The following KCNQ1 variants were observed in gnomAD, a reference collection of about 807,000 sequenced individuals.
KCNQ1 encodes the protein potassium voltage-gated channel subfamily KQT member 1.
KCNQ1 carries 49 observed loss-of-function variants against 72.4 expected under a neutral mutation model. The observed-to-expected ratio is 0.68, with a 90% confidence interval of 0.54 to 0.86. KCNQ1 has a LOEUF of 0.86. Ranked by LOEUF, KCNQ1 falls within the 40% of genes least tolerant of loss-of-function variation. The pLI is 0.00. For missense variants in KCNQ1, 790 were observed against 945.1 expected, an observed-to-expected ratio of 0.84 and a Z score of 2.15; for synonymous variants, 450 against 412.6, an observed-to-expected ratio of 1.09 and a Z score of -1.10.
At chr11:2,778,719 T>A (rs1236226369) in intron 15 of KCNQ1, among the ~76,000 whole-genome samples, 1 of 152,232 alleles carries the variant, frequency 6.6e-6, no homozygotes, top group African/African-American at 2.4e-5. Flanking sequence ...GCTGTTATCT[T>A]GCCGAACAGC....
At chr11:2,747,110 G>A (rs1405703379) in intron 11 of KCNQ1, among the ~76,000 whole-genome samples, 2 of 152,208 alleles carry the variant, frequency 1.3e-5, no homozygotes, top group East Asian at 3.8e-4. Flanking sequence ...GCCCAGCCTG[G>A]CCCATGGTGG....
Position 2,663,886 on chromosome 11 carries a change from C to A in KCNQ1, c.1514+1805C>A, listed in dbSNP as rs1590016586. The A allele has an allele frequency of 2.5e-6, 1 of 398,704 alleles. No homozygotes were observed. The allele number at this position is 398,704 out of a possible 1,614,324, so 24.7% of individuals were successfully genotyped here. On this transcript the variant is annotated intron_variant, in intron 11 of 15. Transcript: ENST00000155840. The surrounding 1 kb of genome is among the most constrained non-coding windows in gnomAD (Gnocchi z 5.2). ...TTACCCACCTGCCCAAGGGTGACCC[C>A]AAGCCAGTGTGGCTGTGTCATCTAG...
At chr11:2,622,444 C>T in intron 10 of KCNQ1, 1 of 398,116 alleles carries the variant, frequency 2.5e-6, no homozygotes, top group Non-Finnish European at 4.4e-6. Flanking sequence ...GTCTTTAGAC[C>T]AAAAGTGAGT....
intron 10 of KCNQ1, chr11:2,619,669 G>A (rs1017069118): frequency 2.5e-6 from 1 of 396,812 alleles, no homozygotes; most frequent in Non-Finnish European, 4.4e-6. Flanking sequence ...TCAAGGTGAT[G>A]CTGGCCTCAT....
At position 2,847,850 on chromosome 11, in the gene KCNQ1, C is replaced by G; in HGVS notation, c.1878C>G (p.Gly626=). 6.4e-7 allele frequency: 1 copy of G among 1,572,064 alleles called. No individual in the cohort carries two copies. Among genetic ancestry groups the G allele is most frequent in the African/African-American group, 1.3e-5 (1 of 74,188 alleles). Residue 626 remains glycine (G), a synonymous_variant, in exon 16 of 16, where the codon GGC becomes GGG. Coordinates refer to ENST00000155840, the MANE Select transcript of KCNQ1 (RefSeq NM_000218.3). ...LLSLHGGSTP[G]SGGPPREGGA... ...CCTTGCACGGTGGCAGCACCCCCGG[C>G]AGCGGCGGCCCCCCCAGAGAGGGCG...
In KCNQ1 at chr11:2,556,909, G is replaced by T. The variant is rs376701923; in HGVS notation, c.478-13719G>T. 2.0e-5 allele frequency among the ~76,000 whole-genome samples: 3 copies of T among 152,218 alleles called. No individual in the cohort carries two copies. In the South Asian group the frequency reaches 6.2e-4, roughly 32 times the overall value. On this transcript the variant is annotated intron_variant, in intron 2 of 15. Transcript: ENST00000155840. ...ACTAAACAACCAAAAGCAAAAGGGA[G>T]AAGTCAACAGAGTCAAATAGCAAAT... is the stretch of plus-strand genomic sequence containing the variant.
rs192015488 is a variant in KCNQ1 at position 2,478,459 on chromosome 11, G to A, written c.386+32975G>A. Among the ~76,000 whole-genome samples the A allele has an allele frequency of 2.2e-3, 333 of 152,154 alleles. 1 individual carries two copies. The highest frequency in any genetic ancestry group is 7.9e-3 in the African/African-American group (327 of 41,504). ...ACAATCACAGCAGAAGATGAAGGAA[G>A]AACAAAGGAACATCTTACATGATGA... On this transcript the variant is annotated intron_variant, in intron 1 of 15. Transcript: ENST00000155840. The surrounding 1 kb of genome is among the most constrained non-coding windows in gnomAD (Gnocchi z 4.0).
In KCNQ1 at chr11:2,813,421, G is replaced by T. The variant is rs560222802; in HGVS notation, c.1795-34346G>T. Among the ~76,000 whole-genome samples, 28 of 149,246 alleles carry T rather than the reference G, an allele frequency of 1.9e-4. No homozygotes were observed. In the East Asian group the frequency reaches 5.0e-3, roughly 27 times the overall value. ...TTTTCACCCCCAAACCCGCCTGCCC[G>T]TCAGTGCTTAGAGCAAATGCCCCTC... is the stretch of plus-strand genomic sequence containing the variant. On this transcript the variant is annotated intron_variant, in intron 15 of 15. Transcript: ENST00000155840. This position sits in a 1 kb window ranked among gnomAD's most constrained non-coding sequence, Gnocchi z 4.4.
chr11:2,544,129 A>T lies in KCNQ1; in HGVS notation c.477+16111A>T, dbSNP rs1430394524. The stretch of plus-strand genomic sequence containing the variant: ...ACCAATTTTTGCAAAGCCTGGTAGA[A>T]TTTTGTTTGGGATTGCATTCAACCT... On this transcript the variant is annotated intron_variant, in intron 2 of 15. Transcript: ENST00000155840. This position sits in a 1 kb window ranked among gnomAD's most constrained non-coding sequence, Gnocchi z 4.4. Among the ~76,000 whole-genome samples, 1 of 152,042 alleles carries T rather than the reference A, an allele frequency of 6.6e-6. No individual in the cohort carries two copies. The highest frequency in any genetic ancestry group is 1.9e-4 in the East Asian group (1 of 5,188).
chr11:2,767,844 G>A lies in KCNQ1; in HGVS notation c.1515-1000G>A, dbSNP rs921626782. Reference sequence around the variant, plus strand: ...CACAAGTGTTTCCAGAGGAAGTTGTGTGAAAGGTGGCTAGAGGACCAGAAT... The same window carrying A: ...CACAAGTGTTTCCAGAGGAAGTTGTATGAAAGGTGGCTAGAGGACCAGAAT... On this transcript the variant is annotated intron_variant, in intron 11 of 15. Coordinates refer to ENST00000155840, the MANE Select transcript of KCNQ1 (RefSeq NM_000218.3). This position sits in a 1 kb window ranked among gnomAD's most constrained non-coding sequence, Gnocchi z 4.6. Among the ~76,000 whole-genome samples the A allele has an allele frequency of 6.6e-6, 1 of 152,246 alleles. No homozygotes were observed. The highest frequency in any genetic ancestry group is 6.5e-5 in the Admixed American group (1 of 15,288).
Position 2,549,541 on chromosome 11 carries a change from G to A in KCNQ1, c.478-21087G>A, listed in dbSNP as rs374382009. ...GGAGTGGAGTGTCACCGGGTGTCCC[G>A]GCGTGGGCAGGTCCTGTTGTGGAGC... On this transcript the variant is annotated intron_variant, in intron 2 of 15. Transcript: ENST00000155840. This position sits in a 1 kb window ranked among gnomAD's most constrained non-coding sequence, Gnocchi z 6.2. 1.3e-4 allele frequency among the ~76,000 whole-genome samples: 20 copies of A among 152,180 alleles called. No homozygotes were observed. The highest frequency in any genetic ancestry group is 4.8e-4 in the African/African-American group (20 of 41,494).
chr11:2,461,528 A>T (rs1324613619), intron 1 of KCNQ1: 2 of 1,340,234 alleles, frequency 1.5e-6, no homozygotes, highest in African/African-American at 3.0e-5. Context: ...GTGTGTCTGG[A>T]GTGTAGGATG....
At chr11:2,656,832 T>G (rs1481639305) in intron 10 of KCNQ1, 1 of 398,524 alleles carries the variant, frequency 2.5e-6, no homozygotes, top group Non-Finnish European at 4.4e-6. Flanking sequence ...CATGTGACCT[T>G]TATAGTTATG....
chr11:2,567,849 C>T lies in KCNQ1; in HGVS notation c.478-2779C>T, dbSNP rs1448018842. 1.3e-5 allele frequency among the ~76,000 whole-genome samples: 2 copies of T among 152,256 alleles called. No individual in the cohort carries two copies. Among genetic ancestry groups the T allele is most frequent in the Non-Finnish European group, 2.9e-5 (2 of 68,054 alleles). On this transcript the variant is annotated intron_variant, in intron 2 of 15. Coordinates refer to ENST00000155840, the MANE Select transcript of KCNQ1 (RefSeq NM_000218.3). This position sits in a 1 kb window ranked among gnomAD's most constrained non-coding sequence, Gnocchi z 6.6. ...TTAGGTCAAAATAACTTTAAAAAGA[C>T]ACGCAGCTATCCACAGCAATCCTTA...
chr11:2,508,869 G>T lies in KCNQ1; in HGVS notation c.387-19059G>T, dbSNP rs1847148184. 6.6e-6 allele frequency among the ~76,000 whole-genome samples: 1 copy of T among 152,216 alleles called. No individual in the cohort carries two copies. Among genetic ancestry groups the T allele is most frequent in the Non-Finnish European group, 1.5e-5 (1 of 68,026 alleles). ...ATGCATGCTCCCTCCACACCCATGT[G>T]CCTGATGCACACAGCCTGGCCCTTG... is the stretch of plus-strand genomic sequence containing the variant. On this transcript the variant is annotated intron_variant, in intron 1 of 15. Transcript: ENST00000155840. This position sits in a 1 kb window ranked among gnomAD's most constrained non-coding sequence, Gnocchi z 6.2.
chr11:2,681,966 T>A, intron 11 of KCNQ1: 1 of 398,640 alleles, frequency 2.5e-6, no homozygotes, highest in Non-Finnish European at 4.4e-6. Context: ...ACACTTCCTG[T>A]TTGCCAGGCA....
intron 1 of KCNQ1, among the ~76,000 whole-genome samples, chr11:2,517,218 G>A (rs968186242): frequency 6.6e-6 from 1 of 152,206 alleles, no homozygotes; most frequent in African/African-American, 2.4e-5. Context: ...GGACCCATCA[G>A]TCCCCACCCT....
chr11:2,520,599 G>A (rs944056668), intron 1 of KCNQ1, among the ~76,000 whole-genome samples: 2 of 152,160 alleles, frequency 1.3e-5, no homozygotes, highest in African/African-American at 4.8e-5. Context: ...GGCAGGCTGT[G>A]AGACCTCTGC....
chr11:2,744,916 A>G (rs1846114356), intron 11 of KCNQ1, among the ~76,000 whole-genome samples: 1 of 151,750 alleles, frequency 6.6e-6, no homozygotes, highest in African/African-American at 2.4e-5. Flanking sequence ...ATGGTGGTCG[A>G]TGGTGTCATC....
Sources: allele counts gnomAD v4.1 joint callset (sites outside exome capture counted in the v4.1 genomes callset), GRCh38; gene constraint gnomAD v4.1.1; non-coding constraint Gnocchi (gnomAD v3.1); transcripts MANE v1.5; gene names NCBI Gene and HGNC (gene_info 2026-07-23, HGNC 2026-07-21).